FHIT: variants seen among roughly 807,000 people sequenced by gnomAD.
FHIT encodes the protein fragile histidine triad diadenosine triphosphatase.
A neutral mutation model predicts 17.9 loss-of-function variants in FHIT; 19 were observed. The ratio of observed to expected loss-of-function variants is 1.06; its 90% CI spans 0.74 to 1.56. The LOEUF (loss-of-function observed/expected upper bound fraction) is 1.56, where lower values mean the gene tolerates loss of function less well. Among genes scored for constraint, FHIT ranks in the 40% most tolerant of loss-of-function variants. FHIT has a pLI of 0.00. For missense variants in FHIT, 248 were observed against 189.2 expected, an observed-to-expected ratio of 1.31 and a Z score of -1.82; for synonymous variants, 81 against 69.7, an observed-to-expected ratio of 1.16 and a Z score of -0.81.
intron 5 of FHIT, among the ~76,000 whole-genome samples, chr3:60,511,196 G>A (rs116760775): frequency 7.4e-4 from 113 of 152,208 alleles, no homozygotes; most frequent in Non-Finnish European, 1.2e-3. Flanking sequence ...ATCTTAAAGG[G>A]TTTTCACAAG....
chr3:59,764,981 G>A (rs1479508461), intron 8 of FHIT, among the ~76,000 whole-genome samples: 2 of 151,022 alleles, frequency 1.3e-5, no homozygotes, highest in East Asian at 3.9e-4. Flanking sequence ...TGAAGCCTCA[G>A]GCTAGGAAAG....
intron 5 of FHIT, among the ~76,000 whole-genome samples, chr3:60,235,907 T>C (rs1173054133): frequency 1.3e-5 from 2 of 152,146 alleles, no homozygotes; most frequent in South Asian, 2.1e-4. Context: ...GAGCGTTCAA[T>C]TGGCTCCAGG....
intron 5 of FHIT, among the ~76,000 whole-genome samples, chr3:60,199,264 T>C (rs1055860013): frequency 2.0e-5 from 3 of 152,188 alleles, no homozygotes; most frequent in African/African-American, 4.8e-5. Flanking sequence ...CTAGAACATA[T>C]AGACAGCTGA....
chr3:60,184,956 C>A (rs558210075), intron 5 of FHIT, among the ~76,000 whole-genome samples: 13 of 152,132 alleles, frequency 8.5e-5, no homozygotes, highest in Non-Finnish European at 1.9e-4. Context: ...TAACACACTC[C>A]CATTATTGTG....
chr3:60,628,391 T>C (rs1175592189), intron 4 of FHIT, among the ~76,000 whole-genome samples: 1 of 152,244 alleles, frequency 6.6e-6, no homozygotes, highest in Non-Finnish European at 1.5e-5. Context: ...CCATGTACAC[T>C]TGAGAACAAT....
At chr3:61,042,336 C>A (rs1211129440) in intron 2 of FHIT, among the ~76,000 whole-genome samples, 1 of 151,976 alleles carries the variant, frequency 6.6e-6, no homozygotes, top group Non-Finnish European at 1.5e-5. Flanking sequence ...TCTTGTAGGG[C>A]AGTAAGATGG....
chr3:60,677,629 T>C (rs1391543532), intron 4 of FHIT, among the ~76,000 whole-genome samples: 1 of 42,296 alleles, frequency 2.4e-5, no homozygotes, highest in Non-Finnish European at 7.3e-5. Context: ...CATATGTATA[T>C]GTGTATGTGT....
At chr3:59,914,642 T>C (rs1216230971) in intron 8 of FHIT, among the ~76,000 whole-genome samples, 2 of 152,174 alleles carry the variant, frequency 1.3e-5, no homozygotes, top group African/African-American at 2.4e-5. Context: ...CCCTAATTCT[T>C]GCTTATTTTG....
At chr3:61,201,488 G>C (rs113840263) in intron 1 of FHIT, among the ~76,000 whole-genome samples, 78 of 152,128 alleles carry the variant, frequency 5.1e-4, no homozygotes, top group African/African-American at 1.7e-3. Flanking sequence ...ATCTCCGAAA[G>C]GTGCAGTAGT....
chr3:60,342,783 T>C (rs1710590059), intron 5 of FHIT, among the ~76,000 whole-genome samples: 1 of 152,166 alleles, frequency 6.6e-6, no homozygotes, highest in Non-Finnish European at 1.5e-5. Context: ...TAAAGAGTGA[T>C]TACAAATGCA....
At chr3:60,392,424 G>A (rs957047292) in intron 5 of FHIT, among the ~76,000 whole-genome samples, 6 of 152,144 alleles carry the variant, frequency 3.9e-5, no homozygotes, top group African/African-American at 1.4e-4. Flanking sequence ...GCCTACAGTG[G>A]CAGACCATCA....
intron 4 of FHIT, among the ~76,000 whole-genome samples, chr3:60,668,028 T>A (rs1365204045): frequency 6.6e-6 from 1 of 152,000 alleles, no homozygotes; most frequent in Non-Finnish European, 1.5e-5. Context: ...GTCTCAGGCA[T>A]GTGAGAACAA....
intron 8 of FHIT, among the ~76,000 whole-genome samples, chr3:59,888,998 A>G (rs11706778): frequency 0.089 from 13,482 of 152,214 alleles, 820 homozygotes; most frequent in Middle Eastern, 0.21. Flanking sequence ...CATGATAACA[A>G]CATCAATTCA....
At chr3:60,764,587 T>C (rs1319831249) in intron 4 of FHIT, among the ~76,000 whole-genome samples, 1 of 152,162 alleles carries the variant, frequency 6.6e-6, no homozygotes, top group Non-Finnish European at 1.5e-5. Context: ...CTTCTGTAAC[T>C]TTCTATTTAT....
chr3:60,888,999 A>G (rs1705365887), intron 3 of FHIT, among the ~76,000 whole-genome samples: 1 of 152,114 alleles, frequency 6.6e-6, no homozygotes, highest in South Asian at 2.1e-4. Flanking sequence ...TCTACTTTTA[A>G]ACTTAACTTC....
At chr3:60,787,971 C>T (rs782726314) in intron 4 of FHIT, among the ~76,000 whole-genome samples, 2 of 152,122 alleles carry the variant, frequency 1.3e-5, no homozygotes, top group Non-Finnish European at 2.9e-5. Flanking sequence ...TATGATGTGC[C>T]TTACAGAGGA....
At chr3:60,742,819 G>A (rs1038575012) in intron 4 of FHIT, among the ~76,000 whole-genome samples, 1 of 152,208 alleles carries the variant, frequency 6.6e-6, no homozygotes, top group Admixed American at 6.5e-5. Flanking sequence ...TCAAATGACA[G>A]TATACCATGA....
At chr3:60,722,069 C>T (rs1185204539) in intron 4 of FHIT, among the ~76,000 whole-genome samples, 12 of 152,082 alleles carry the variant, frequency 7.9e-5, no homozygotes, top group Non-Finnish European at 8.8e-5. Context: ...GTGGTAAATA[C>T]GAAAGGCTCA....
chr3:60,409,561 A>G (rs772267502), intron 5 of FHIT, among the ~76,000 whole-genome samples: 2 of 152,178 alleles, frequency 1.3e-5, no homozygotes, highest in Non-Finnish European at 2.9e-5. Context: ...TTTTTTCCCC[A>G]CAGGAACTTG....
Sources: gnomAD v4.1 joint callset for allele counts (sites outside exome capture counted in the v4.1 genomes callset) on GRCh38, gnomAD v4.1.1 for gene constraint, MANE v1.5 for transcripts, NCBI Gene and HGNC (gene_info 2026-07-23, HGNC 2026-07-21) for gene names.